The following WNT2B variants were observed in gnomAD, a reference collection of about 807,000 sequenced individuals.
WNT2B encodes the protein Wnt family member 2B.
Under a neutral mutation model 40.5 loss-of-function variants are expected in WNT2B, and 19 were observed. The ratio of observed to expected loss-of-function variants is 0.47; its 90% CI spans 0.33 to 0.69. The LOEUF is 0.69. WNT2B is among the 30% of genes least tolerant of loss of function. WNT2B has a pLI of 0.02. For synonymous variants in WNT2B, 220 were observed against 211.9 expected (o/e 1.04, Z -0.33); for missense variants, 467 against 556.4 (o/e 0.84, Z 1.62).
intron 1 of WNT2B, among the ~76,000 whole-genome samples, chr1:112,495,744 A>G (rs752908265): frequency 1.4e-4 from 21 of 152,146 alleles, no homozygotes; most frequent in Non-Finnish European, 2.8e-4. Flanking sequence ...CAAAAACACT[A>G]TTTTCATCTG....
At position 112,514,915 on chromosome 1, in the gene WNT2B, T is replaced by A; in HGVS notation, c.224T>A (p.Ile75Asn). 1 of 1,614,210 alleles carries A rather than the reference T, an allele frequency of 6.2e-7. No individual in the cohort carries two copies. Among genetic ancestry groups the A allele is most frequent in the Non-Finnish European group, 8.5e-7 (1 of 1,180,044 alleles). Residue 75 changes from isoleucine to asparagine, a missense_variant, in exon 2 of 5, where the codon ATC becomes AAC. Around this residue, in one of 2 missense-constraint regions of WNT2B, gnomAD observed 137 missense variants for 117.7 expected, o/e 1.16. Coordinates refer to ENST00000369684, the MANE Select transcript of WNT2B (RefSeq NM_024494.3). ...ALGARVICDNIPGLVSRQRQL... is the reference protein window; with the variant it reads ...ALGARVICDNNPGLVSRQRQL... ...GGGGCACGAGTGATCTGTGACAATA[T>A]CCCTGGTTTGGTGAGCCGGCAGCGG...
In WNT2B at chr1:112,520,333, G is replaced by A. The variant is rs770762302; in HGVS notation, c.1000G>A (p.Gly334Ser). ...CAGCAAGACATCAAAAGGAACAGAC[G>A]GTTGTGAAATCATGTGCTGTGGCCG... ...VCSKTSKGTD[G>S]CEIMCCGRGY... Residue 334 changes from glycine (G) to serine (S), a missense_variant, in exon 5 of 5, where the codon GGT (glycine) becomes AGT (serine). Around this residue, in one of 2 missense-constraint regions of WNT2B, gnomAD observed 330 missense variants for 438.6 expected, o/e 0.75. Coordinates refer to ENST00000369684, the MANE Select transcript of WNT2B (RefSeq NM_024494.3). 24 of 1,614,022 alleles carry A rather than the reference G, an allele frequency of 1.5e-5. No individual in the cohort carries two copies. In the Admixed American group the frequency reaches 2.0e-4, roughly 13 times the overall value.
chr1:112,488,867 T>C (rs1028359192), intron 1 of WNT2B, among the ~76,000 whole-genome samples: 11 of 152,046 alleles, frequency 7.2e-5, no homozygotes, highest in African/African-American at 2.7e-4. Context: ...TATTTACCGT[T>C]TTTTTAGAGA....
Position 112,528,273 on chromosome 1 carries a change from A to G in WNT2B, c.*7764A>G, listed in dbSNP as rs1653787835. The G allele has an allele frequency of 2.0e-5, 3 of 152,200 alleles. No homozygotes were observed. The highest frequency in any genetic ancestry group is 7.2e-5 in the African/African-American group (3 of 41,466). The allele number at this position is 152,200 out of a possible 1,614,324, so 9.4% of individuals were successfully genotyped here. On this transcript the variant is annotated 3_prime_UTR_variant, in exon 5 of 5. Coordinates refer to ENST00000369684, the MANE Select transcript of WNT2B (RefSeq NM_024494.3). ...AGAAGCAGGAATGTACAAGCAATAT[A>G]TAAGGAATTTCAAGCAAGTACACAT...
In WNT2B at chr1:112,520,347, G is replaced by A. The variant is rs1652803066; in HGVS notation, c.1014G>A (p.Met338Ile). 2 of 1,614,178 alleles carry A rather than the reference G, an allele frequency of 1.2e-6. No homozygotes were observed. Among genetic ancestry groups the A allele is most frequent in the South Asian group, 2.2e-5 (2 of 91,084 alleles). Residue 338 changes from methionine to isoleucine, a missense_variant, in exon 5 of 5, where the codon ATG (methionine) becomes ATA (isoleucine). By Grantham distance (10) the Met-to-Ile change is conservative (BLOSUM62 1). Coordinates refer to ENST00000369684, the MANE Select transcript of WNT2B (RefSeq NM_024494.3). ...TSKGTDGCEI[M>I]CCGRGYDTTR... ...AAGGAACAGACGGTTGTGAAATCAT[G>A]TGCTGTGGCCGAGGGTACGACACAA...
intron 1 of WNT2B, among the ~76,000 whole-genome samples, chr1:112,481,971 A>G (rs898733886): frequency 1.3e-5 from 2 of 152,018 alleles, no homozygotes; most frequent in Non-Finnish European, 2.9e-5. Context: ...ACATGGTGAA[A>G]CCCCATCTCT....
intron 1 of WNT2B, chr1:112,491,089 A>G (rs778155541): frequency 2.5e-6 from 4 of 1,612,998 alleles, no homozygotes; most frequent in Non-Finnish European, 2.5e-6. Flanking sequence ...AAGGTACATG[A>G]TAATTAAAAT....
chr1:112,504,562 C>T (rs542721312), upstream of WNT2B, among the ~76,000 whole-genome samples: 1 of 152,278 alleles, frequency 6.6e-6, no homozygotes, highest in East Asian at 1.9e-4. Context: ...CTTTTCCCCC[C>T]TTAACAGCTC....
intron 1 of WNT2B, among the ~76,000 whole-genome samples, chr1:112,483,981 C>G (rs915807018): frequency 4.7e-5 from 7 of 150,296 alleles, no homozygotes; most frequent in African/African-American, 1.7e-4. Flanking sequence ...AAGACAAAAG[C>G]CAGGTATGGT....
chr1:112,489,821 T>C (rs1230947638), intron 1 of WNT2B, among the ~76,000 whole-genome samples: 2 of 152,036 alleles, frequency 1.3e-5, no homozygotes, highest in Admixed American at 6.6e-5. Flanking sequence ...AAATATAGCA[T>C]GTCCCTCGCC....
intron 1 of WNT2B, among the ~76,000 whole-genome samples, chr1:112,469,274 A>G (rs1358039497): frequency 6.6e-6 from 1 of 152,312 alleles, no homozygotes; most frequent in East Asian, 1.9e-4. Context: ...AGTGTGATAT[A>G]TCCACTTTAT....
chr1:112,516,460 G>A (rs540305348), intron 3 of WNT2B, 43 bp downstream of exon 3: 7 of 1,575,132 alleles, frequency 4.4e-6, no homozygotes, highest in Admixed American at 1.7e-5. Context: ...ATTTGCTGGG[G>A]GTGACCAGTG....
At chr1:112,484,294 C>CATATATAT (rs1557909971) in intron 1 of WNT2B, among the ~76,000 whole-genome samples, 12 of 106,540 alleles carry the variant, frequency 1.1e-4, no homozygotes, top group African/African-American at 4.9e-4. Flanking sequence ...TATATATACA[C>CATATATAT]ACACATATAT....
upstream of WNT2B, chr1:112,508,611 G>C (rs1016249371): frequency 5.3e-5 from 34 of 637,782 alleles, no homozygotes; most frequent in African/African-American, 6.3e-4. The surrounding 1 kb of genome is among the most constrained non-coding windows in gnomAD (Gnocchi z 4.2). Flanking sequence ...GTAGGTTGGG[G>C]ACAGGAGGGA....
chr1:112,481,319 T>C (rs1777612), intron 1 of WNT2B, among the ~76,000 whole-genome samples: 26,653 of 152,146 alleles, frequency 0.18, 2,561 homozygotes, highest in East Asian at 0.38. Flanking sequence ...AAAATGTGAT[T>C]ATCTCAATAG....
Position 112,526,183 on chromosome 1 carries a change from G to A in WNT2B, c.*5674G>A. 2 of 1,598,814 alleles carry A rather than the reference G, an allele frequency of 1.3e-6. No individual in the cohort carries two copies. Among genetic ancestry groups the A allele is most frequent in the East Asian group, 2.2e-5 (1 of 44,732 alleles). ...CCAGGACAGCCAAGAGAGTATATCT[G>A]AGCACAGTTTACAAAGGAACAGCCT... On this transcript the variant is annotated 3_prime_UTR_variant, in exon 5 of 5. Coordinates refer to ENST00000369684, the MANE Select transcript of WNT2B (RefSeq NM_024494.3).
chr1:112,480,123 G>T (rs1311586849), intron 1 of WNT2B, among the ~76,000 whole-genome samples: 2 of 152,074 alleles, frequency 1.3e-5, no homozygotes, highest in Non-Finnish European at 2.9e-5. Flanking sequence ...ACTTTGGGAG[G>T]CCAAGATGGG....
chr1:112,520,779 A>C lies in WNT2B; in HGVS notation c.*270A>C. Reference sequence around the variant, plus strand: ...AGTAGAAGAGATAGGGGGTCTTTAGAGTGAAATGAGTTGCACTAAAGTACG... The same window carrying C: ...AGTAGAAGAGATAGGGGGTCTTTAGCGTGAAATGAGTTGCACTAAAGTACG... On this transcript the variant is annotated 3_prime_UTR_variant, in exon 5 of 5. Coordinates refer to ENST00000369684, the MANE Select transcript of WNT2B (RefSeq NM_024494.3). The C allele has an allele frequency of 4.0e-6, 2 of 499,694 alleles. No individual in the cohort carries two copies. The highest frequency in any genetic ancestry group is 7.1e-6 in the Non-Finnish European group (2 of 280,750). The allele number at this position is 499,694 out of a possible 1,614,324, so 31.0% of individuals were successfully genotyped here.
Position 112,517,288 on chromosome 1 carries a change from C to T in WNT2B, c.849C>T (p.Asn283=), listed in dbSNP as rs747504900. The T allele has an allele frequency of 5.0e-6, 8 of 1,614,122 alleles. No individual in the cohort carries two copies. Among genetic ancestry groups the T allele is most frequent in the Non-Finnish European group, 6.8e-6 (8 of 1,180,042 alleles). Residue 283 remains asparagine, a synonymous_variant, in exon 4 of 5, where the codon AAC becomes AAT. Coordinates refer to ENST00000369684, the MANE Select transcript of WNT2B (RefSeq NM_024494.3). The part of the protein sequence containing the change: ...VQVMATQDGA[N]FTAARQGYRR... ...TGATGGCCACCCAAGATGGTGCCAA[C>T]TTCACCGCAGCCCGCCAAGGCTATC...
Sources: gnomAD v4.1 joint callset for allele counts (sites outside exome capture counted in the v4.1 genomes callset) on GRCh38, gnomAD v4.1.1 for gene constraint, gnomAD v4.1.1 regional missense constraint, Gnocchi (gnomAD v3.1) non-coding constraint, MANE v1.5 for transcripts, NCBI Gene and HGNC (gene_info 2026-07-23, HGNC 2026-07-21) for gene names.